Variants in ROCK1 observed in about 807,000 individuals in gnomAD.
ROCK1 encodes the protein Rho associated coiled-coil containing protein kinase 1.
ROCK1 carries 36 observed loss-of-function variants against 196.8 expected under a neutral mutation model. The observed-to-expected ratio is 0.18, with a 90% confidence interval of 0.14 to 0.24. The LOEUF (loss-of-function observed/expected upper bound fraction) is 0.24. ROCK1 is among the 10% of genes least tolerant of loss of function. The pLI, the probability that ROCK1 is intolerant of heterozygous loss-of-function variation, is 1.00. For missense variants in ROCK1, 920 were observed against 1,562.0 expected (o/e 0.59, Z 6.93); for synonymous variants, 443 against 515.9 (o/e 0.86, Z 1.91).
chr18:21,111,277 T>C lies in ROCK1; in HGVS notation c.-367A>G, dbSNP rs1332666927. 5 of 460,510 alleles carry C rather than the reference T, an allele frequency of 1.1e-5. No homozygotes were observed. The highest frequency in any genetic ancestry group is 1.1e-5 in the Non-Finnish European group (3 of 263,992). 28.5% of individuals were successfully genotyped at this position (460,510 alleles called of 1,614,324 possible). A position where few individuals can be genotyped will look rare whatever the true frequency, so the allele number is the denominator to read the frequency against. ...CCGTCCCGAGATGGGCAGGAGCGGG[T>C]AGAGAAAGAGAAGCAGGGTGGAGAC... On this transcript the variant is annotated 5_prime_UTR_variant, in exon 1 of 33. Transcript: ENST00000399799. This position sits in a 1 kb window ranked among gnomAD's most constrained non-coding sequence, Gnocchi z 4.2.
At chr18:21,041,973 C>T (rs2036111071) in intron 8 of ROCK1, 124 bp downstream of exon 8, 2 of 837,086 alleles carry the variant, frequency 2.4e-6, no homozygotes, top group Non-Finnish European at 3.7e-6. Flanking sequence ...AAAATTACAT[C>T]AGGTTTCACT....
At chr18:21,014,424 G>A (rs935360321) in intron 13 of ROCK1, among the ~76,000 whole-genome samples, 1 of 152,048 alleles carries the variant, frequency 6.6e-6, no homozygotes, top group South Asian at 2.1e-4. Context: ...TTACTGGGAG[G>A]AATACAGAAA....
chr18:21,086,762 A>G (rs987368978), intron 1 of ROCK1, among the ~76,000 whole-genome samples: 33 of 134,522 alleles, frequency 2.5e-4, no homozygotes, highest in East Asian at 2.0e-3. Flanking sequence ...ACATCCACTG[A>G]AAAAAAAAAA....
intron 1 of ROCK1, among the ~76,000 whole-genome samples, chr18:21,076,305 A>G (rs2036430748): frequency 6.6e-6 from 1 of 152,124 alleles, no homozygotes; most frequent in Non-Finnish European, 1.5e-5. Flanking sequence ...GGAGTTCAAG[A>G]CCAGCCTGGC....
intron 28 of ROCK1, 27 bp from the exon 29 acceptor site, chr18:20,959,955 T>A: frequency 7.1e-7 from 1 of 1,402,638 alleles, no homozygotes; most frequent in Non-Finnish European, 1.0e-6. Flanking sequence ...GGGGGAAGAG[T>A]TACAAGAGCA....
In ROCK1 at chr18:20,985,099, C is replaced by CA. The variant is rs1205721258; in HGVS notation, c.2305-565dup. On this transcript the variant is annotated intron_variant, in intron 19 of 32. Coordinates refer to ENST00000399799, the MANE Select transcript of ROCK1 (RefSeq NM_005406.3). ...CTGAGTGACAGTGAGACTCTGTCTC[C>CA]AAAAAAAAAAAAGCCATTCCTGGGG... Among the ~76,000 whole-genome samples, 172 of 120,188 alleles carry CA rather than the reference C, an allele frequency of 1.4e-3. 2 individuals carry two copies. The highest frequency in any genetic ancestry group is 2.4e-3 in the South Asian group (9 of 3,776). The allele number at this position is 120,188 out of a possible 152,430, so 78.8% of individuals were successfully genotyped here.
At chr18:21,063,907 G>A (rs1038521093) in intron 2 of ROCK1, among the ~76,000 whole-genome samples, 2 of 151,804 alleles carry the variant, frequency 1.3e-5, no homozygotes, top group Admixed American at 6.6e-5. Context: ...TAGTTTTTTG[G>A]GAACTCCATC....
chr18:20,987,180 G>T, intron 18 of ROCK1, 70 bp from the exon 19 acceptor site: 1 of 1,382,746 alleles, frequency 7.2e-7, no homozygotes, highest in Non-Finnish European at 1.0e-6. Flanking sequence ...CTTTATATGG[G>T]CTGTAAACTG....
intron 9 of ROCK1, among the ~76,000 whole-genome samples, chr18:21,030,202 C>T (rs1283981738): frequency 2.6e-5 from 4 of 152,096 alleles, no homozygotes; most frequent in Non-Finnish European, 4.4e-5. Flanking sequence ...AAACAGTTGC[C>T]GCCCTTGGGA....
At chr18:21,001,911 GA>G (rs1293144535) in intron 16 of ROCK1, among the ~76,000 whole-genome samples, 4 of 151,988 alleles carry the variant, frequency 2.6e-5, no homozygotes, top group African/African-American at 9.7e-5. Flanking sequence ...GATTACATTA[GA>G]AAACGGATCA....
intron 11 of ROCK1, among the ~76,000 whole-genome samples, chr18:21,021,094 A>G (rs2035909170): frequency 6.6e-6 from 1 of 152,242 alleles, no homozygotes; most frequent in South Asian, 2.1e-4. Flanking sequence ...ATGAAGAGGA[A>G]GTAATGGATA....
At chr18:21,012,518 T>A (rs2035827772) in intron 13 of ROCK1, among the ~76,000 whole-genome samples, 1 of 152,190 alleles carries the variant, frequency 6.6e-6, no homozygotes, top group African/African-American at 2.4e-5. Context: ...TCACTTACAC[T>A]GTTGTTTCCT....
chr18:21,042,918 A>ATGTACC (rs919875183), intron 6 of ROCK1, among the ~76,000 whole-genome samples: 33 of 152,302 alleles, frequency 2.2e-4, no homozygotes, highest in Middle Eastern at 6.8e-3. Flanking sequence ...TATACCATAT[A>ATGTACC]ATGTATGTAT....
Position 21,049,837 on chromosome 18 carries a change from A to C in ROCK1, c.219T>G (p.Ala73=), listed in dbSNP as rs769829737. Residue 73 remains alanine (A), a synonymous_variant, in exon 3 of 33, where the codon GCT becomes GCG. Coordinates refer to ENST00000399799, the MANE Select transcript of ROCK1 (RefSeq NM_005406.3). ...INKIRDLRMK[A]EDYEVVKVIG... is the part of the protein sequence containing the mutation. ...TCACCTTCACTACTTCATAATCTTC[A>C]GCTTTCATTCGTAAATCTCTGATTT... The C allele has an allele frequency of 6.2e-7, 1 of 1,607,948 alleles. No individual in the cohort carries two copies. Among genetic ancestry groups the C allele is most frequent in the South Asian group, 1.1e-5 (1 of 89,956 alleles).
At chr18:20,993,023 T>C (rs376859676) in intron 16 of ROCK1, 86 bp from the exon 17 acceptor site, 5 of 725,768 alleles carry the variant, frequency 6.9e-6, no homozygotes, top group Non-Finnish European at 1.1e-5. Flanking sequence ...TTAAAAAATG[T>C]TTTTTTAATG....
intron 8 of ROCK1, among the ~76,000 whole-genome samples, chr18:21,041,270 TAAAAAAAA>T (rs780115669): frequency 9.5e-6 from 1 of 105,178 alleles, no homozygotes; most frequent in African/African-American, 3.6e-5. Flanking sequence ...TGTCTCTATT[TAAAAAAAA>T]AAAAAAAAAA....
At chr18:21,076,419 A>G (rs2036431594) in intron 1 of ROCK1, among the ~76,000 whole-genome samples, 1 of 151,914 alleles carries the variant, frequency 6.6e-6, no homozygotes, top group Non-Finnish European at 1.5e-5. Flanking sequence ...CAGGAGAATC[A>G]CTTGAACCCA....
At chr18:20,998,335 T>C (rs1369687914) in intron 16 of ROCK1, among the ~76,000 whole-genome samples, 7 of 151,866 alleles carry the variant, frequency 4.6e-5, no homozygotes, top group African/African-American at 1.7e-4. Context: ...AGCATCTACA[T>C]CAAAAAGGTA....
At chr18:20,969,054 T>G in intron 24 of ROCK1, 61 bp downstream of exon 24, 1 of 1,121,776 alleles carries the variant, frequency 8.9e-7, no homozygotes, top group Non-Finnish European at 1.3e-6. Context: ...TAACACAACA[T>G]AGGTAAAGAT....
Sources: gnomAD v4.1 joint callset for allele counts (sites outside exome capture counted in the v4.1 genomes callset) on GRCh38, gnomAD v4.1.1 for gene constraint, Gnocchi (gnomAD v3.1) non-coding constraint, MANE v1.5 for transcripts, NCBI Gene and HGNC (gene_info 2026-07-23, HGNC 2026-07-21) for gene names.